DOCK3: variants seen among roughly 807,000 people sequenced by gnomAD.
The protein encoded by DOCK3 is dedicator of cytokinesis 3, also known as dedicator of cytokinesis protein 3.
In DOCK3, 60 loss-of-function variants were observed where a neutral mutation model predicts 265.6. The observed-to-expected ratio is 0.23, with a 90% CI of 0.18 to 0.28. The LOEUF (loss-of-function observed/expected upper bound fraction) is 0.28, where lower values mean the gene tolerates loss of function less well. Ranked by LOEUF, DOCK3 falls within the 10% of genes least tolerant of loss-of-function variation. DOCK3 has a pLI of 1.00. For missense variants in DOCK3, 1,981 were observed against 2,594.3 expected (o/e 0.76, Z 5.14); for synonymous variants, 881 against 938.0 (o/e 0.94, Z 1.11).
At chr3:51,103,930 A>G (rs921224578) in intron 9 of DOCK3, among the ~76,000 whole-genome samples, 1 of 152,250 alleles carries the variant, frequency 6.6e-6, no homozygotes, top group African/African-American at 2.4e-5. Flanking sequence ...ATGAGGGAGA[A>G]GCAGACAAAA....
At position 50,777,910 on chromosome 3, in the gene DOCK3, C is replaced by G. The variant is rs191179429; in HGVS notation, c.38-765C>G. Reference sequence around the variant, plus strand: ...CAATCTGGATGCCCTTTATTTCTTTCTCTTGCCTGATTGCTGGTTAGGACT... The same window carrying G: ...CAATCTGGATGCCCTTTATTTCTTTGTCTTGCCTGATTGCTGGTTAGGACT... On this transcript the variant is annotated intron_variant, in intron 1 of 52. Coordinates refer to ENST00000266037, the MANE Select transcript of DOCK3 (RefSeq NM_004947.5). Among the ~76,000 whole-genome samples the G allele has an allele frequency of 1.4e-3, 216 of 152,128 alleles. No homozygotes were observed. In the Middle Eastern group the frequency reaches 0.017, roughly 12 times the overall value.
At chr3:50,687,944 A>G (rs778298002) in intron 1 of DOCK3, among the ~76,000 whole-genome samples, 8 of 152,206 alleles carry the variant, frequency 5.3e-5, no homozygotes, top group Non-Finnish European at 8.8e-5. Flanking sequence ...CCTTGTCAAC[A>G]TTGCTGGACT....
At chr3:51,140,071 G>T (rs2084977955) in intron 9 of DOCK3, among the ~76,000 whole-genome samples, 1 of 152,166 alleles carries the variant, frequency 6.6e-6, no homozygotes, top group African/African-American at 2.4e-5. Flanking sequence ...GAAAAAGTTT[G>T]TTGTTTGTTG....
chr3:50,944,916 C>T (rs1426047353), intron 5 of DOCK3, among the ~76,000 whole-genome samples: 2 of 152,048 alleles, frequency 1.3e-5, no homozygotes, highest in Admixed American at 6.5e-5. Flanking sequence ...GCTGAGATCG[C>T]GTCATCACAC....
At chr3:50,711,557 C>T (rs188127583) in intron 1 of DOCK3, among the ~76,000 whole-genome samples, 121 of 152,226 alleles carry the variant, frequency 7.9e-4, no homozygotes, top group African/African-American at 2.7e-3. Context: ...CCACCGCGCC[C>T]GGCCCAGTCC....
At chr3:51,308,717 C>A (rs2082855824) in intron 27 of DOCK3, among the ~76,000 whole-genome samples, 1 of 152,334 alleles carries the variant, frequency 6.6e-6, no homozygotes, top group African/African-American at 2.4e-5. Flanking sequence ...ATGGCCCGTT[C>A]TCAATGAGCT....
At chr3:50,874,529 AC>A (rs1221226647) in intron 3 of DOCK3, among the ~76,000 whole-genome samples, 4 of 123,628 alleles carry the variant, frequency 3.2e-5, no homozygotes, top group Admixed American at 8.3e-5. Context: ...AAAAAAAAAA[AC>A]AAAAAAAGTA....
intron 5 of DOCK3, among the ~76,000 whole-genome samples, chr3:51,044,678 C>G (rs923043880): frequency 2.6e-5 from 4 of 151,478 alleles, no homozygotes; most frequent in African/African-American, 7.3e-5. Flanking sequence ...TCTGTTGTTT[C>G]CTGTACCCAT....
chr3:51,225,889 T>C (rs2090307512), intron 15 of DOCK3, 116 bp downstream of exon 15: 3 of 1,325,134 alleles, frequency 2.3e-6, no homozygotes, highest in East Asian at 5.0e-5. Context: ...CATCAGCCTT[T>C]TTCTCTGCCT....
At chr3:51,204,978 G>T (rs1382573385) in intron 12 of DOCK3, among the ~76,000 whole-genome samples, 1 of 151,146 alleles carries the variant, frequency 6.6e-6, no homozygotes, top group Admixed American at 6.6e-5. Flanking sequence ...GGAACACATG[G>T]ACACAGGACG....
At chr3:51,120,628 CTG>C (rs2083968136) in intron 9 of DOCK3, among the ~76,000 whole-genome samples, 1 of 152,222 alleles carries the variant, frequency 6.6e-6, no homozygotes. Flanking sequence ...AAGCCCCTGA[CTG>C]GGGCTGCTGC....
intron 3 of DOCK3, among the ~76,000 whole-genome samples, chr3:50,874,072 T>G (rs1336132835): frequency 6.7e-6 from 1 of 149,148 alleles, no homozygotes; most frequent in Non-Finnish European, 1.5e-5. Context: ...TTTTGTTTTT[T>G]TTTTTTTTGT....
At chr3:51,310,546 G>C (rs191546443) in intron 28 of DOCK3, among the ~76,000 whole-genome samples, 1 of 152,352 alleles carries the variant, frequency 6.6e-6, no homozygotes, top group East Asian at 1.9e-4. Flanking sequence ...ATAATATCCA[G>C]AGAAGGGTTC....
At chr3:50,862,862 G>A (rs977742826) in intron 3 of DOCK3, among the ~76,000 whole-genome samples, 4 of 150,736 alleles carry the variant, frequency 2.7e-5, no homozygotes, top group African/African-American at 7.4e-5. Flanking sequence ...TTCAGCAAGG[G>A]TGGAGCCACC....
intron 3 of DOCK3, among the ~76,000 whole-genome samples, chr3:50,873,147 C>T (rs1052100939): frequency 3.9e-5 from 6 of 152,126 alleles, no homozygotes; most frequent in African/African-American, 9.7e-5. Context: ...GCTGAGTTTC[C>T]CCCGAAGCCA....
chr3:50,876,687 A>G (rs1438644562), intron 3 of DOCK3: 3 of 152,696 alleles, frequency 2.0e-5, no homozygotes, highest in African/African-American at 7.2e-5. Flanking sequence ...TACTTGTCCA[A>G]AGGACATTTT....
At chr3:50,750,376 C>G (rs1191523063) in intron 1 of DOCK3, among the ~76,000 whole-genome samples, 1 of 148,094 alleles carries the variant, frequency 6.8e-6, no homozygotes, top group Non-Finnish European at 1.5e-5. Flanking sequence ...CATTCTGTCA[C>G]CAGGCTGGAG....
intron 23 of DOCK3, among the ~76,000 whole-genome samples, chr3:51,267,759 A>G (rs1209330490): frequency 1.3e-5 from 2 of 152,192 alleles, no homozygotes; most frequent in Non-Finnish European, 2.9e-5. Context: ...CATCAGTCAT[A>G]GACTAGATAA....
chr3:50,881,749 G>C (rs1193820599), intron 3 of DOCK3, among the ~76,000 whole-genome samples: 4 of 152,138 alleles, frequency 2.6e-5, no homozygotes, highest in Non-Finnish European at 5.9e-5. Flanking sequence ...TTTCTTCACA[G>C]AATTGGAAAA....
Sources: gnomAD v4.1 joint callset for allele counts (sites outside exome capture counted in the v4.1 genomes callset) on GRCh38, gnomAD v4.1.1 for gene constraint, MANE v1.5 for transcripts, NCBI Gene and HGNC (gene_info 2026-07-23, HGNC 2026-07-21) for gene names.